Variants in CYP3A7 observed in about 807,000 individuals in gnomAD.
The protein encoded by CYP3A7 is cytochrome P450 family 3 subfamily A member 7.
In CYP3A7, 45 loss-of-function variants were observed where a neutral mutation model predicts 55.2. The ratio of observed to expected loss-of-function variants is 0.82; its 90% CI spans 0.64 to 1.05. The LOEUF (loss-of-function observed/expected upper bound fraction) is 1.05. Ranked by LOEUF, CYP3A7 falls within the 50% of genes least tolerant of loss-of-function variation. CYP3A7 has a pLI of 0.00. For missense variants in CYP3A7, 548 were observed against 605.3 expected, an observed-to-expected ratio of 0.91 and a Z score of 0.99; for synonymous variants, 180 against 207.4, an observed-to-expected ratio of 0.87 and a Z score of 1.13.
At chr7:99,724,989 A>G (rs1814353205) in intron 2 of CYP3A7, among the ~76,000 whole-genome samples, 1 of 152,112 alleles carries the variant, frequency 6.6e-6, no homozygotes, top group East Asian at 1.9e-4. Flanking sequence ...CATGAGCCAG[A>G]CCTTCAAGAA....
chr7:99,713,681 A>G, intron 8 of CYP3A7, 146 bp from the exon 9 acceptor site: 1 of 1,072,272 alleles, frequency 9.3e-7, no homozygotes, highest in Non-Finnish European at 1.4e-6. Context: ...TCACCAGTGA[A>G]AAGGAATATC....
chr7:99,713,726 A>G (rs1202121550), intron 8 of CYP3A7, among the ~76,000 whole-genome samples, 191 bp from the exon 9 acceptor site: 1 of 152,186 alleles, frequency 6.6e-6, no homozygotes, highest in African/African-American at 2.4e-5. Context: ...TGTTTTCCTG[A>G]AACAAATCTG....
rs1813472705 is a variant in CYP3A7, at chr7:99,705,132, C to T, written c.*368G>A. 5 of 247,064 alleles carry T rather than the reference C, an allele frequency of 2.0e-5. No individual in the cohort carries two copies. Among genetic ancestry groups the T allele is most frequent in the South Asian group, 1.6e-4 (3 of 18,296 alleles). 15.3% of individuals were successfully genotyped at this position (247,064 alleles called of 1,614,324 possible). On this transcript the variant is annotated 3_prime_UTR_variant, in exon 13 of 13. Transcript: ENST00000336374. Reference sequence around the variant, plus strand: ...CATGATATAAATGTCACTGTTAGAGCCATCAAAATAATTCCTATTTTTATT... The same window carrying T: ...CATGATATAAATGTCACTGTTAGAGTCATCAAAATAATTCCTATTTTTATT...
chr7:99,720,233 T>G (rs1202721483), intron 4 of CYP3A7, 80 bp downstream of exon 4: 2 of 1,554,898 alleles, frequency 1.3e-6, no homozygotes, highest in Non-Finnish European at 1.7e-6. Flanking sequence ...TTTAGGCAAC[T>G]GTCTATGAAT....
chr7:99,731,282 T>C (rs1282060953), intron 1 of CYP3A7, 130 bp from the exon 2 acceptor site: 15 of 1,004,708 alleles, frequency 1.5e-5, no homozygotes, highest in Non-Finnish European at 1.8e-5. Flanking sequence ...AAAATAACAG[T>C]AACTCTGACG....
chr7:99,715,687 G>A, intron 7 of CYP3A7, 71 bp downstream of exon 7: 4 of 1,608,166 alleles, frequency 2.5e-6, no homozygotes, highest in Middle Eastern at 3.3e-4. Flanking sequence ...GAATTACATG[G>A]TGATTTACAT....
chr7:99,722,204 C>G, intron 3 of CYP3A7, 92 bp downstream of exon 3: 2 of 1,529,452 alleles, frequency 1.3e-6, no homozygotes, highest in Non-Finnish European at 1.8e-6. Context: ...AGCTTCATCG[C>G]AAGAGGCTCT....
chr7:99,734,982 G>A, intron 1 of CYP3A7, 41 bp downstream of exon 1: 2 of 1,613,508 alleles, frequency 1.2e-6, no homozygotes, highest in Non-Finnish European at 8.5e-7. Flanking sequence ...AGCACCCCAA[G>A]TCCAAGGAAA....
At chr7:99,721,021 A>C (rs2687145) in intron 3 of CYP3A7, 1 of 153,380 alleles carries the variant, frequency 6.5e-6, no homozygotes, top group African/African-American at 2.4e-5. Flanking sequence ...CCTTCTCCCT[A>C]ATGCTTCTAG....
rs75125371 is a variant in CYP3A7 at position 99,730,059 on chromosome 7, T to C, written c.165+1000A>G. Reference sequence around the variant, plus strand: ...CAAGCCTCAGGTATGCAGGTCAGATTGTCTAAGCCAGAGAGCTGACTCCTG... The same window carrying C: ...CAAGCCTCAGGTATGCAGGTCAGATCGTCTAAGCCAGAGAGCTGACTCCTG... On this transcript the variant is annotated intron_variant, in intron 2 of 12. Coordinates refer to ENST00000336374, the MANE Select transcript of CYP3A7 (RefSeq NM_000765.5). Among the ~76,000 whole-genome samples the C allele has an allele frequency of 0.011, 1,624 of 152,292 alleles. 62 individuals carry two copies. The East Asian group carries it at 0.12, about 11-fold the overall frequency.
chr7:99,711,012 C>CAGAGTCTCACTGGGGGTGGT, intron 9 of CYP3A7, 120 bp from the exon 10 acceptor site: 2 of 1,518,954 alleles, frequency 1.3e-6, no homozygotes, highest in Non-Finnish European at 1.8e-6. Context: ...AAAAGCAATT[C>CAGAGTCTCACTGGGGGTGGT]AGAGTCTCAC....
At chr7:99,730,555 A>G (rs1248742058) in intron 2 of CYP3A7, 1 of 155,712 alleles carries the variant, frequency 6.4e-6, no homozygotes, top group Non-Finnish European at 1.4e-5. Context: ...AGCAGGTGCA[A>G]ATGACCCAAT....
rs763703301 is a variant in CYP3A7, at chr7:99,710,748, G to T, written c.1010C>A (p.Thr337Lys). The change falls in exon 10 of 13, where the codon ACA becomes AAA. Residue 337 changes from threonine to lysine, a missense_variant. Coordinates refer to ENST00000336374, the MANE Select transcript of CYP3A7 (RefSeq NM_000765.5). ...TCCACTCACCTTATTGGGTAAAACTGTATCAATTTCCTTCTGCACTTTCTG... is the reference window on the plus strand; with the variant it reads ...TCCACTCACCTTATTGGGTAAAACTTTATCAATTTCCTTCTGCACTTTCTG... The part of the protein sequence containing the change: ...VQQKVQKEID[T>K]VLPNKAPPTY... 6.8e-6 allele frequency: 11 copies of T among 1,613,828 alleles called. No homozygotes were observed. In the East Asian group the frequency reaches 2.0e-4, roughly 29 times the overall value.
chr7:99,705,898 G>T (rs1398183869), intron 12 of CYP3A7, among the ~76,000 whole-genome samples: 1 of 152,132 alleles, frequency 6.6e-6, no homozygotes, highest in African/African-American at 2.4e-5. Context: ...TAACGAAAAT[G>T]GATGAGTTTT....
At chr7:99,729,545 A>G (rs1814544049) in intron 2 of CYP3A7, among the ~76,000 whole-genome samples, 1 of 152,240 alleles carries the variant, frequency 6.6e-6, no homozygotes, top group African/African-American at 2.4e-5. Flanking sequence ...GTGTACATCC[A>G]GATGGCCTGA....
chr7:99,716,293 G>A (rs1813945988), intron 6 of CYP3A7, among the ~76,000 whole-genome samples: 1 of 152,176 alleles, frequency 6.6e-6, no homozygotes, highest in Non-Finnish European at 1.5e-5. Context: ...AGGGGCTCAA[G>A]ACAGGTGACA....
At chr7:99,705,691 T>G in intron 12 of CYP3A7, 96 bp from the exon 13 acceptor site, 2 of 1,465,516 alleles carry the variant, frequency 1.4e-6, no homozygotes, top group South Asian at 2.3e-5. Flanking sequence ...CAATAATGCT[T>G]TGTAAACATA....
At chr7:99,708,975 G>T in intron 11 of CYP3A7, 60 bp downstream of exon 11, 1 of 1,577,692 alleles carries the variant, frequency 6.3e-7, no homozygotes, top group Non-Finnish European at 8.7e-7. Context: ...CCTGTAGAGA[G>T]GCAGAATATG....
In CYP3A7 at chr7:99,705,457, G is replaced by A. The variant is rs768758724; in HGVS notation, c.*43C>T. 6.2e-7 allele frequency: 1 copy of A among 1,601,478 alleles called. No homozygotes were observed. Among genetic ancestry groups the A allele is most frequent in the South Asian group, 1.1e-5 (1 of 90,810 alleles). ...TAATTTGAGGTCTCTGGTGTTCTGG[G>A]GCACAGCTTTCTTAAAGAGCAAACC... is the stretch of plus-strand genomic sequence containing the variant. On this transcript the variant is annotated 3_prime_UTR_variant, in exon 13 of 13. Transcript: ENST00000336374.
Sources: gnomAD v4.1 joint callset for allele counts (sites outside exome capture counted in the v4.1 genomes callset) on GRCh38, gnomAD v4.1.1 for gene constraint, MANE v1.5 for transcripts, NCBI Gene and HGNC (gene_info 2026-07-23, HGNC 2026-07-21) for gene names.